Variants in ACTR3C observed in about 807,000 individuals in gnomAD.
ACTR3C encodes the protein actin-related protein 3C.
Under a neutral mutation model 26.3 loss-of-function variants are expected in ACTR3C, and 18 were observed. That is an observed-to-expected ratio of 0.68 (90% CI 0.47 to 1.01). The LOEUF is 1.01. Among genes scored for constraint, ACTR3C ranks in the 50% least tolerant of loss-of-function variants. ACTR3C has a pLI of 0.00. For synonymous variants in ACTR3C, 55 were observed against 94.5 expected (o/e 0.58, Z 2.42); for missense variants, 184 against 250.7 (o/e 0.73, Z 1.80).
At chr7:150,040,210 C>T in the ACTR3C span, among the ~76,000 whole-genome samples, 1 of 148,020 alleles carries the variant, frequency 6.8e-6, no homozygotes, top group African/African-American at 2.5e-5. Flanking sequence ...GCTGCCAAGG[C>T]CCTCTAATAG....
At chr7:149,934,274 C>G in the ACTR3C span, among the ~76,000 whole-genome samples, 1 of 152,120 alleles carries the variant, frequency 6.6e-6, no homozygotes, top group African/African-American at 2.4e-5. Flanking sequence ...TCAATGTTAG[C>G]AATGCAGATC....
chr7:150,034,090 G>A, the ACTR3C span, among the ~76,000 whole-genome samples: 1 of 150,602 alleles, frequency 6.6e-6, no homozygotes, highest in Non-Finnish European at 1.5e-5. Flanking sequence ...CTCCCACCCC[G>A]CGATGCAGGT....
the ACTR3C span, among the ~76,000 whole-genome samples, chr7:150,127,538 G>A: frequency 6.6e-6 from 1 of 151,820 alleles, no homozygotes; most frequent in African/African-American, 2.4e-5. Context: ...GTTTAATTCT[G>A]CATGTGACTA....
chr7:150,081,169 G>A, the ACTR3C span, among the ~76,000 whole-genome samples: 3 of 151,710 alleles, frequency 2.0e-5, no homozygotes, highest in Middle Eastern at 3.4e-3. Context: ...AGAAAGAAAG[G>A]GAGAGGGATA....
At chr7:150,229,127 T>TA in the ACTR3C span, among the ~76,000 whole-genome samples, 6 of 152,130 alleles carry the variant, frequency 3.9e-5, no homozygotes, top group South Asian at 2.1e-4. Context: ...GTTATCTGCT[T>TA]AAAAAAAAGA....
At chr7:149,997,844 C>T in the ACTR3C span, among the ~76,000 whole-genome samples, 1 of 149,776 alleles carries the variant, frequency 6.7e-6, no homozygotes, top group Non-Finnish European at 1.5e-5. Context: ...TAGTTTCTGC[C>T]TGTATGAGCA....
At chr7:150,281,050 C>T (rs1243236027) in intron 6 of ACTR3C, among the ~76,000 whole-genome samples, 1 of 152,040 alleles carries the variant, frequency 6.6e-6, no homozygotes, top group East Asian at 1.9e-4. Context: ...ATGTGGCTAG[C>T]ACAGCTGACC....
chr7:149,946,090 T>C, the ACTR3C span, among the ~76,000 whole-genome samples: 1 of 152,320 alleles, frequency 6.6e-6, no homozygotes, highest in Non-Finnish European at 1.5e-5. Context: ...ACCAGGTTCC[T>C]GACACTTTGC....
At chr7:150,045,930 T>C in the ACTR3C span, among the ~76,000 whole-genome samples, 2 of 152,156 alleles carry the variant, frequency 1.3e-5, no homozygotes, top group African/African-American at 4.8e-5. Flanking sequence ...GCATTGCAGC[T>C]TAACTGTCTT....
At chr7:149,967,115 A>C in the ACTR3C span, among the ~76,000 whole-genome samples, 1 of 138,398 alleles carries the variant, frequency 7.2e-6, no homozygotes, top group African/African-American at 2.6e-5. Context: ...GCTCACTGCA[A>C]GCTCCGCCTC....
At chr7:149,926,354 G>A in the ACTR3C span, among the ~76,000 whole-genome samples, 1 of 152,180 alleles carries the variant, frequency 6.6e-6, no homozygotes, top group Non-Finnish European at 1.5e-5. Flanking sequence ...TTGGTATCTA[G>A]GATCTTGGAG....
chr7:150,107,165 G>A, the ACTR3C span, among the ~76,000 whole-genome samples: 3 of 145,978 alleles, frequency 2.1e-5, no homozygotes, highest in Non-Finnish European at 3.0e-5. Flanking sequence ...GTGGTTTGTT[G>A]TCATTTGCTG....
chr7:149,914,882 CT>C, the ACTR3C span, among the ~76,000 whole-genome samples: 126,197 of 131,138 alleles, frequency 0.96, 60,759 homozygotes, highest in East Asian at 0.99. Context: ...AAATTTAATT[CT>C]TTTTTTTTTT....
chr7:150,035,720 A>T, the ACTR3C span, among the ~76,000 whole-genome samples: 9 of 136,524 alleles, frequency 6.6e-5, 1 homozygote, highest in South Asian at 1.1e-3. Context: ...CAGGGGGTGA[A>T]GATGGTCTGG....
the ACTR3C span, among the ~76,000 whole-genome samples, chr7:150,067,939 T>C: frequency 6.6e-6 from 1 of 152,124 alleles, no homozygotes; most frequent in Non-Finnish European, 1.5e-5. Flanking sequence ...AATGAACTCC[T>C]AGAACAATCT....
At chr7:150,225,349 A>G in the ACTR3C span, among the ~76,000 whole-genome samples, 4 of 152,244 alleles carry the variant, frequency 2.6e-5, no homozygotes, top group Non-Finnish European at 1.5e-5. Context: ...ATATTCAGCC[A>G]AATATTAATT....
chr7:150,140,025 C>CACACACACAT, the ACTR3C span, among the ~76,000 whole-genome samples: 1 of 148,444 alleles, frequency 6.7e-6, no homozygotes, highest in Non-Finnish European at 1.5e-5. Context: ...TGCACACACA[C>CACACACACAT]GTACACACAT....
rs777941664 is a variant in ACTR3C at position 150,284,765 on chromosome 7, A to G, written c.552T>C (p.Arg184=). Residue 184 remains arginine, a synonymous_variant, in exon 6 of 8, where the codon CGT becomes CGC. Coordinates refer to ENST00000683684, the MANE Select transcript of ACTR3C (RefSeq NM_001164458.2). ...ATGCAGCTCATACCTTATACAGCGGACGCCGCACATCGATGGGGCAGTTCT... is the reference window on the plus strand; with the variant it reads ...ATGCAGCTCATACCTTATACAGCGGGCGCCGCACATCGATGGGGCAGTTCT... ...VIQNCPIDVR[R]PLYKMEQIPL... is the part of the protein sequence containing the mutation. The G allele has an allele frequency of 1.9e-4, 304 of 1,612,732 alleles. No homozygotes were observed. In the South Asian group the frequency reaches 2.5e-3, roughly 13 times the overall value.
chr7:150,249,973 T>A (rs1426622898), intron 6 of ACTR3C, among the ~76,000 whole-genome samples: 1 of 152,126 alleles, frequency 6.6e-6, no homozygotes, highest in Non-Finnish European at 1.5e-5. Context: ...ACATGGTGGA[T>A]CCATTGACAC....
Sources: gnomAD v4.1 joint callset for allele counts (sites outside exome capture counted in the v4.1 genomes callset) on GRCh38, gnomAD v4.1.1 for gene constraint, MANE v1.5 for transcripts, NCBI Gene and HGNC (gene_info 2026-07-23, HGNC 2026-07-21) for gene names.